Variants in SGSM1 observed in about 807,000 individuals in gnomAD.
The protein encoded by SGSM1 is small G protein signaling modulator 1, also known as RUN and TBC1 domain containing 2.
In SGSM1, 73 loss-of-function variants were observed where a neutral mutation model predicts 133.8. The ratio of observed to expected loss-of-function variants is 0.55; its 90% confidence interval spans 0.45 to 0.66. The LOEUF (loss-of-function observed/expected upper bound fraction) is 0.66, where lower values mean the gene tolerates loss of function less well. Ranked by LOEUF, SGSM1 falls within the 30% of genes least tolerant of loss-of-function variation. The pLI is 0.00. For missense variants in SGSM1, 1,213 were observed against 1,448.1 expected (o/e 0.84, Z 2.64); for synonymous variants, 563 against 573.0 (o/e 0.98, Z 0.25).
chr22:24,904,306 C>T lies in SGSM1; in HGVS notation c.2736-799C>T, dbSNP rs187415690. ...GAAAATAGTGGGTTGAGAGGCCGGG[C>T]GCAGTGTCTCACGCCTGTAATCCCA... On this transcript the variant is annotated intron_variant, in intron 20 of 24. Transcript: ENST00000400358. 3.0e-4 allele frequency among the ~76,000 whole-genome samples: 46 copies of T among 151,974 alleles called. 2 individuals carry two copies. The East Asian group carries it at 7.0e-3, about 23-fold the overall frequency.
Position 24,840,232 on chromosome 22 carries a change from C to G in SGSM1, c.64-4665C>G, listed in dbSNP as rs12166414. ...TTGCTGGGATTACAGGTGTGAGCCA[C>G]CACGCCCGGCCTGGGCAAAACATGT... On this transcript the variant is annotated intron_variant, in intron 2 of 24. Transcript: ENST00000400358. 3.9e-3 allele frequency among the ~76,000 whole-genome samples: 589 copies of G among 152,210 alleles called. 4 individuals are homozygous for G. The highest frequency in any genetic ancestry group is 0.013 in the African/African-American group (558 of 41,536).
At chr22:24,897,445 A>C (rs1228544568) in intron 18 of SGSM1, among the ~76,000 whole-genome samples, 1 of 152,194 alleles carries the variant, frequency 6.6e-6, no homozygotes, top group African/African-American at 2.4e-5. Context: ...TATTTTATGC[A>C]TACACAAGCA....
intron 2 of SGSM1, among the ~76,000 whole-genome samples, chr22:24,808,098 C>CA (rs990968846): frequency 6.9e-6 from 1 of 144,782 alleles, no homozygotes; most frequent in African/African-American, 2.5e-5. Flanking sequence ...AACCTCTTAT[C>CA]TTTTTTTTTT....
At position 24,895,362 on chromosome 22, in the gene SGSM1, T is replaced by C. The variant is rs932349417; in HGVS notation, c.2022+71T>C. The C allele has an allele frequency of 1.1e-5, 16 of 1,475,486 alleles. No individual in the cohort carries two copies. In the African/African-American group the frequency reaches 2.2e-4, roughly 21 times the overall value. 91.4% of individuals were successfully genotyped at this position (1,475,486 alleles called of 1,614,324 possible). A position where few individuals can be genotyped will look rare whatever the true frequency, so the allele number is the denominator to read the frequency against. On this transcript the variant is annotated intron_variant, in intron 18 of 24. Transcript: ENST00000400358. ...TCTGCCTGGGGTCATGGGGGTTGGG[T>C]GTCCGTCATCTGTAGGTCACTTTTT...
intron 5 of SGSM1, among the ~76,000 whole-genome samples, chr22:24,852,004 A>G (rs1930510581): frequency 6.6e-6 from 1 of 152,248 alleles, no homozygotes; most frequent in Non-Finnish European, 1.5e-5. Context: ...CCTTGAGCAT[A>G]TGACCTGCTG....
Position 24,884,070 on chromosome 22 carries a change from C to T in SGSM1, c.1513C>T (p.His505Tyr). 6.2e-7 allele frequency: 1 copy of T among 1,612,690 alleles called. No homozygotes were observed. The highest frequency in any genetic ancestry group is 8.5e-7 in the Non-Finnish European group (1 of 1,179,380). ...CTCAACAGGGCTGGCCTACTGCAGACACCTGTCCACCGTGAGAACCCACCT... is the reference window on the plus strand; with the variant it reads ...CTCAACAGGGCTGGCCTACTGCAGATACCTGTCCACCGTGAGAACCCACCT... ...AFYGWLAYCR[H>Y]LSTVRTHLSA... The change falls in exon 15 of 25, where the codon CAC (histidine) becomes TAC (tyrosine). Residue 505 changes from histidine (H) to tyrosine (Y), a missense_variant. Transcript: ENST00000400358.
chr22:24,886,755 A>T (rs1301536104), intron 16 of SGSM1, 27 bp downstream of exon 16: 3 of 1,564,076 alleles, frequency 1.9e-6, no homozygotes, highest in Non-Finnish European at 2.6e-6. Flanking sequence ...GGGCACTGGG[A>T]TCTTTGGCAA....
At chr22:24,891,468 G>A (rs73879157) in intron 16 of SGSM1, among the ~76,000 whole-genome samples, 5,817 of 152,276 alleles carry the variant, frequency 0.038, 377 homozygotes, top group African/African-American at 0.13. Context: ...AGTTGAAGGA[G>A]AGGAGAAAGC....
chr22:24,834,603 G>C (rs937765458), intron 2 of SGSM1, among the ~76,000 whole-genome samples: 2 of 152,126 alleles, frequency 1.3e-5, no homozygotes, highest in Non-Finnish European at 2.9e-5. Flanking sequence ...CACAGCTCTG[G>C]AGATAGGAAT....
chr22:24,855,718 G>T (rs745899181), intron 8 of SGSM1, 38 bp downstream of exon 8: 2 of 1,613,860 alleles, frequency 1.2e-6, no homozygotes, highest in African/African-American at 2.7e-5. Context: ...TGCACTGAGG[G>T]TCTCACTCCA....
At chr22:24,918,580 C>T (rs1933901406) in intron 23 of SGSM1, among the ~76,000 whole-genome samples, 1 of 151,826 alleles carries the variant, frequency 6.6e-6, no homozygotes, top group Non-Finnish European at 1.5e-5. Context: ...TCTCTTTAGT[C>T]TTTTTCTGTT....
rs1930733948 is a variant in SGSM1 at position 24,855,662 on chromosome 22, CAA to C, written c.784_785del (p.Asn262ArgfsTer23). The C allele has an allele frequency of 6.2e-7, 1 of 1,613,882 alleles. No homozygotes were observed. The highest frequency in any genetic ancestry group is 1.3e-5 in the African/African-American group (1 of 74,918). ...GTGCCACCCTTCTCTATGGCAAAAA[CAA>C]CGTTCTTGTTCAGCCGGTGAGAGGT... ...SRATLLYGKN[N>X]VLVQPRDDME... On this transcript the variant is annotated frameshift_variant, in exon 8 of 25. Transcript: ENST00000400358. LOFTEE classifies it high-confidence loss of function.
chr22:24,924,365 C>CG lies in SGSM1; in HGVS notation c.*95dup. The CG allele has an allele frequency of 8.9e-6, 10 of 1,122,380 alleles. No homozygotes were observed. The highest frequency in any genetic ancestry group is 1.3e-5 in the Non-Finnish European group (10 of 753,060). 69.5% of individuals were successfully genotyped at this position (1,122,380 alleles called of 1,614,324 possible). A position where few individuals can be genotyped will look rare whatever the true frequency, so the allele number is the denominator to read the frequency against. On this transcript the variant is annotated 3_prime_UTR_variant, in exon 25 of 25. Transcript: ENST00000400358. ...CCTGGCTGGATGGGCACCCCGGGAGCGGGGTCCTGGTGTCTGTTCACAAGC... is the reference window on the plus strand; with the variant it reads ...CCTGGCTGGATGGGCACCCCGGGAGCGGGGGTCCTGGTGTCTGTTCACAAGC...
intron 4 of SGSM1, 26 bp from the exon 5 acceptor site, chr22:24,850,254 A>G (rs768734223): frequency 5.8e-6 from 9 of 1,558,042 alleles, no homozygotes; most frequent in South Asian, 2.4e-5. Context: ...GTGAGTATCT[A>G]TTCCCGTCTT....
intron 2 of SGSM1, among the ~76,000 whole-genome samples, chr22:24,840,276 C>G (rs964698063): frequency 6.6e-6 from 1 of 151,022 alleles, no homozygotes; most frequent in Admixed American, 6.6e-5. Context: ...TGTTAGTTTT[C>G]TCTGTTTTTA....
At chr22:24,868,238 C>G (rs1227039917) in intron 10 of SGSM1, 138 bp from the exon 11 acceptor site, 2 of 1,219,936 alleles carry the variant, frequency 1.6e-6, no homozygotes, top group East Asian at 5.1e-5. Flanking sequence ...TGACCTTTGC[C>G]CAGGACTTTC....
At chr22:24,827,450 G>A (rs552526269) in intron 2 of SGSM1, among the ~76,000 whole-genome samples, 177 of 152,220 alleles carry the variant, frequency 1.2e-3, no homozygotes, top group Non-Finnish European at 2.1e-3. Context: ...ACGTGGTGGG[G>A]CAGGTGCTCA....
chr22:24,837,630 A>C (rs1601907161), intron 2 of SGSM1, among the ~76,000 whole-genome samples: 1 of 135,136 alleles, frequency 7.4e-6, no homozygotes. Flanking sequence ...GTTCCTTGAC[A>C]CCTTTTGCTA....
chr22:24,864,154 G>A (rs980635518), intron 9 of SGSM1, among the ~76,000 whole-genome samples: 1 of 152,142 alleles, frequency 6.6e-6, no homozygotes, highest in Non-Finnish European at 1.5e-5. Flanking sequence ...CTAGATATTG[G>A]GGTTCTGAAG....
Sources: gnomAD v4.1 joint callset for allele counts (sites outside exome capture counted in the v4.1 genomes callset) on GRCh38, gnomAD v4.1.1 for gene constraint, MANE v1.5 for transcripts, NCBI Gene and HGNC (gene_info 2026-07-23, HGNC 2026-07-21) for gene names.